The following DSC2 variants were observed in gnomAD, a reference collection of about 807,000 sequenced individuals.
The protein encoded by DSC2 is desmocollin-2.
Under a neutral mutation model 87.6 loss-of-function variants are expected in DSC2, and 51 were observed. The ratio of observed to expected loss-of-function variants is 0.58; its 90% CI spans 0.46 to 0.74. DSC2 has a LOEUF of 0.74. Among genes scored for constraint, DSC2 ranks in the 30% least tolerant of loss-of-function variants. The pLI is 0.00. For synonymous variants in DSC2, 383 were observed against 393.2 expected (o/e 0.97, Z 0.31); for missense variants, 1,066 against 1,089.5 (o/e 0.98, Z 0.30).
intron 4 of DSC2, 69 bp downstream of exon 4, chr18:31,090,959 A>C: frequency 6.3e-7 from 1 of 1,598,648 alleles, no homozygotes; most frequent in Non-Finnish European, 8.6e-7. Context: ...AAATAACTTC[A>C]TACTCAGTGT....
Position 31,058,944 on chromosome 18 carries a change from C to T in DSC2, c.*9071G>A, listed in dbSNP as rs2144763029. 1 of 152,188 alleles carries T rather than the reference C, an allele frequency of 6.6e-6. No homozygotes were observed. Among genetic ancestry groups the T allele is most frequent in the Non-Finnish European group, 1.5e-5 (1 of 68,008 alleles). The allele number at this position is 152,188 out of a possible 1,614,324, so 9.4% of individuals were successfully genotyped here. A position where few individuals can be genotyped will look rare whatever the true frequency, so the allele number is the denominator to read the frequency against. On this transcript the variant is annotated 3_prime_UTR_variant, in exon 16 of 16. Coordinates refer to ENST00000280904, the MANE Select transcript of DSC2 (RefSeq NM_024422.6). ...GGCCATATCTTACATACAGTAGATA[C>T]CAAATAAATTTTAACACCGAACATT...
chr18:31,092,372 C>T (rs559674687), intron 2 of DSC2, 72 bp from the exon 3 acceptor site: 49 of 1,388,944 alleles, frequency 3.5e-5, no homozygotes, highest in East Asian at 4.7e-5. Flanking sequence ...AATGTATGCA[C>T]GTGGGGAGAG....
intron 11 of DSC2, among the ~76,000 whole-genome samples, chr18:31,078,880 G>A (rs973719853): frequency 1.1e-4 from 17 of 151,882 alleles, no homozygotes; most frequent in African/African-American, 3.6e-4. Context: ...CACCAAACGC[G>A]TCTCATAAAT....
chr18:31,095,129 C>T (rs531793942), intron 1 of DSC2, among the ~76,000 whole-genome samples: 1 of 152,220 alleles, frequency 6.6e-6, no homozygotes, highest in East Asian at 1.9e-4. Context: ...GAGAGGGTGA[C>T]AACGAGAATA....
At chr18:31,075,609 G>C (rs1986988515) in intron 11 of DSC2, among the ~76,000 whole-genome samples, 1 of 152,178 alleles carries the variant, frequency 6.6e-6, no homozygotes, top group Non-Finnish European at 1.5e-5. Flanking sequence ...CCAGCACTTT[G>C]GGAAGCCGAG....
Position 31,071,877 on chromosome 18 carries a change from A to G in DSC2, c.1889-36T>C, listed in dbSNP as rs74374471. The G allele has an allele frequency of 1.2e-3, 1,796 of 1,526,874 alleles. 19 individuals carry two copies. The African/African-American group carries it at 0.022, about 18-fold the overall frequency. The allele number at this position is 1,526,874 out of a possible 1,614,324, so 94.6% of individuals were successfully genotyped here. ...AAATAAATAAAACCAAACATTATAC[A>G]ATGTCACTGATTTCTTCTGAACATA... On this transcript the variant is annotated intron_variant, in intron 12 of 15. Transcript: ENST00000280904.
rs981956482 is a variant in DSC2, at chr18:31,060,755, T to C, written c.*7260A>G. ...ATTAAATGTTTTCTGTGTGGCTTTG[T>C]TCTGCATTCCTACCTTAAGACTATT... On this transcript the variant is annotated 3_prime_UTR_variant, in exon 16 of 16. Coordinates refer to ENST00000280904, the MANE Select transcript of DSC2 (RefSeq NM_024422.6). 28 of 152,242 alleles carry C rather than the reference T, an allele frequency of 1.8e-4. No individual in the cohort carries two copies. The highest frequency in any genetic ancestry group is 1.5e-3 in the Admixed American group (23 of 15,278). 9.4% of individuals were successfully genotyped at this position (152,242 alleles called of 1,614,324 possible).
intron 6 of DSC2, among the ~76,000 whole-genome samples, chr18:31,087,224 T>C (rs1215327167): frequency 6.6e-6 from 1 of 152,216 alleles, no homozygotes; most frequent in Non-Finnish European, 1.5e-5. Context: ...GTGACTTTCA[T>C]AATCGTGCCC....
rs1179957870 is a variant in DSC2 at position 31,059,017 on chromosome 18, G to T, written c.*8998C>A. Reference sequence around the variant, plus strand: ...ATTTTTTAAAGCAGATGAGGAAACTGAAGACTAGGGAGGTTCAGGTTACAC... The same window carrying T: ...ATTTTTTAAAGCAGATGAGGAAACTTAAGACTAGGGAGGTTCAGGTTACAC... On this transcript the variant is annotated 3_prime_UTR_variant, in exon 16 of 16. Transcript: ENST00000280904. The T allele has an allele frequency of 6.6e-6, 1 of 152,154 alleles. No individual in the cohort carries two copies. Among genetic ancestry groups the T allele is most frequent in the African/African-American group, 2.4e-5 (1 of 41,440 alleles). The allele number at this position is 152,154 out of a possible 1,614,324, so 9.4% of individuals were successfully genotyped here. A position where few individuals can be genotyped will look rare whatever the true frequency, so the allele number is the denominator to read the frequency against.
rs965831643 is a variant in DSC2, at chr18:31,066,312, G to A, written c.*1703C>T. On this transcript the variant is annotated 3_prime_UTR_variant, in exon 16 of 16. Coordinates refer to ENST00000280904, the MANE Select transcript of DSC2 (RefSeq NM_024422.6). ...CTTACTTCTCTGATTCAGGGAGTGC[G>A]AAATCCCTTAAACTCATATCAGACC... 2.0e-5 allele frequency: 3 copies of A among 152,100 alleles called. No individual in the cohort carries two copies. Among genetic ancestry groups the A allele is most frequent in the Admixed American group, 6.6e-5 (1 of 15,256 alleles). 9.4% of individuals were successfully genotyped at this position (152,100 alleles called of 1,614,324 possible).
chr18:31,078,852 T>C (rs970803480), intron 11 of DSC2, among the ~76,000 whole-genome samples: 1 of 152,196 alleles, frequency 6.6e-6, no homozygotes, highest in African/African-American at 2.4e-5. Context: ...ATTCATGTTA[T>C]AGAAATTATA....
chr18:31,093,616 T>G lies in DSC2; in HGVS notation c.97A>C (p.Lys33Gln). ...AILIFASDAC[K>Q]NVTLHVPSKL... ...GAGGGAACATGTAATGTCACATTTT[T>G]GCAGGCATCACTGGCAAATATTAAG... The change falls in exon 2 of 16, where the codon AAA (lysine) becomes CAA (glutamine). Residue 33 changes from lysine to glutamine, a missense_variant. Transcript: ENST00000280904. The G allele has an allele frequency of 6.2e-7, 1 of 1,600,008 alleles. No homozygotes were observed. The highest frequency in any genetic ancestry group is 8.5e-7 in the Non-Finnish European group (1 of 1,170,788).
intron 1 of DSC2, among the ~76,000 whole-genome samples, chr18:31,099,655 T>C (rs1216902716): frequency 6.6e-6 from 1 of 151,912 alleles, no homozygotes; most frequent in African/African-American, 2.4e-5. Context: ...GGTGGAACCA[T>C]ATAAAGAATG....
chr18:31,085,484 T>C (rs1275461421), intron 7 of DSC2, among the ~76,000 whole-genome samples: 1 of 151,436 alleles, frequency 6.6e-6, no homozygotes, highest in Non-Finnish European at 1.5e-5. Flanking sequence ...TAAATTAATA[T>C]ATAATTTAAA....
At chr18:31,087,016 C>G (rs1448238593) in intron 6 of DSC2, among the ~76,000 whole-genome samples, 1 of 152,120 alleles carries the variant, frequency 6.6e-6, no homozygotes, top group Non-Finnish European at 1.5e-5. Flanking sequence ...CATGTATTTT[C>G]AGACTAAACA....
chr18:31,071,868 A>G (rs1986848707), intron 12 of DSC2, 27 bp from the exon 13 acceptor site: 2 of 1,551,722 alleles, frequency 1.3e-6, no homozygotes, highest in South Asian at 2.2e-5. Flanking sequence ...ATAAAACCAA[A>G]CATTATACAA....
rs111267468 is a variant in DSC2, at chr18:31,089,617, A to G, written c.475-23T>C. 249 of 1,606,580 alleles carry G rather than the reference A, an allele frequency of 1.5e-4. No homozygotes were observed. The African/African-American group carries it at 2.8e-3, about 18-fold the overall frequency. On this transcript the variant is annotated intron_variant, in intron 4 of 15. Transcript: ENST00000280904. ...AACCTAGAAAGTAGATATTATATAC[A>G]TGAGACAAATCTTTATTTCAGCAGA...
chr18:31,068,483 A>C, intron 15 of DSC2: 2 of 927,806 alleles, frequency 2.2e-6, no homozygotes, highest in Non-Finnish European at 3.4e-6. Context: ...TCCCTTTCAA[A>C]ATTTTAGCTG....
Position 31,059,339 on chromosome 18 carries a change from A to G in DSC2, c.*8676T>C, listed in dbSNP as rs1024443763. 1 of 152,214 alleles carries G rather than the reference A, an allele frequency of 6.6e-6. No individual in the cohort carries two copies. Among genetic ancestry groups the G allele is most frequent in the Non-Finnish European group, 1.5e-5 (1 of 68,036 alleles). 9.4% of individuals were successfully genotyped at this position (152,214 alleles called of 1,614,324 possible). A position where few individuals can be genotyped will look rare whatever the true frequency, so the allele number is the denominator to read the frequency against. ...TTCTTAGTCTAGATAGTGCATAACA[A>G]ATTACTGACGACAAATCCTAAGTGC... On this transcript the variant is annotated 3_prime_UTR_variant, in exon 16 of 16. Transcript: ENST00000280904.
Sources: gnomAD v4.1 joint callset for allele counts (sites outside exome capture counted in the v4.1 genomes callset) on GRCh38, gnomAD v4.1.1 for gene constraint, MANE v1.5 for transcripts, NCBI Gene and HGNC (gene_info 2026-07-23, HGNC 2026-07-21) for gene names.